The following CREB3L1 variants were observed in gnomAD, a reference collection of about 807,000 sequenced individuals.
The protein encoded by CREB3L1 is cyclic AMP-responsive element-binding protein 3-like protein 1.
Under a neutral mutation model 54.5 loss-of-function variants are expected in CREB3L1, and 33 were observed. The ratio of observed to expected loss-of-function variants is 0.61; its 90% CI spans 0.46 to 0.81. The LOEUF is 0.81. Among genes scored for constraint, CREB3L1 ranks in the 30% least tolerant of loss-of-function variants. CREB3L1 has a pLI of 0.00. For missense variants in CREB3L1, 656 were observed against 673.3 expected, an observed-to-expected ratio of 0.97 and a Z score of 0.29; for synonymous variants, 284 against 286.4, an observed-to-expected ratio of 0.99 and a Z score of 0.08.
intron 1 of CREB3L1, among the ~76,000 whole-genome samples, chr11:46,293,338 C>T (rs1001232092): frequency 6.6e-6 from 1 of 152,236 alleles, no homozygotes; most frequent in African/African-American, 2.4e-5. Flanking sequence ...ATCGCTTCCT[C>T]CTGCCCAGAC....
At chr11:46,302,666 T>G (rs1939320418) in intron 2 of CREB3L1, among the ~76,000 whole-genome samples, 1 of 152,218 alleles carries the variant, frequency 6.6e-6, no homozygotes, top group South Asian at 2.1e-4. Context: ...ACTTTTATCA[T>G]AATCTCCATG....
chr11:46,298,842 A>G (rs569031529), intron 1 of CREB3L1, among the ~76,000 whole-genome samples: 23 of 152,330 alleles, frequency 1.5e-4, no homozygotes, highest in Admixed American at 1.3e-3. Flanking sequence ...TTGAGTAATT[A>G]CTATGTGCCA....
At chr11:46,298,860 T>C (rs1939250470) in intron 1 of CREB3L1, among the ~76,000 whole-genome samples, 1 of 152,182 alleles carries the variant, frequency 6.6e-6, no homozygotes, top group Non-Finnish European at 1.5e-5. Context: ...CCAGGGACTG[T>C]TATAAGGCCT....
Position 46,317,363 on chromosome 11 carries a change from G to A in CREB3L1, c.1134G>A (p.Val378=), listed in dbSNP as rs368414921. 68 of 1,613,804 alleles carry A rather than the reference G, an allele frequency of 4.2e-5. No individual in the cohort carries two copies. Among genetic ancestry groups the A allele is most frequent in the Non-Finnish European group, 5.2e-5 (61 of 1,179,864 alleles). Residue 378 remains valine (V), a splice_region_variant and synonymous_variant, in exon 10 of 12, where the codon GTG becomes GTA. Transcript: ENST00000621158. Reference sequence around the variant, plus strand: ...TGCCACTCTCTCTTTGCTACCAGGTGGCAGCCTTGTGCTTTGTTCTGGTGC... The same window carrying A: ...TGCCACTCTCTCTTTGCTACCAGGTAGCAGCCTTGTGCTTTGTTCTGGTGC... ...AATQTGTCLM[V]AALCFVLVLG...
chr11:46,301,122 G>A lies in CREB3L1; in HGVS notation c.331+959G>A, dbSNP rs182459832. ...TTGAACCCAGCAGGCGGAGGTTGCC[G>A]TGAGCCATTGCACTCCAGCCTGGGT... is the stretch of plus-strand genomic sequence containing the variant. On this transcript the variant is annotated intron_variant, in intron 2 of 11. Transcript: ENST00000621158. Among the ~76,000 whole-genome samples the A allele has an allele frequency of 5.1e-3, 762 of 149,988 alleles. 9 individuals carry two copies. The highest frequency in any genetic ancestry group is 0.018 in the African/African-American group (737 of 40,662).
At chr11:46,311,491 G>T (rs1317448189) in intron 5 of CREB3L1, among the ~76,000 whole-genome samples, 2 of 151,186 alleles carry the variant, frequency 1.3e-5, no homozygotes, top group African/African-American at 4.9e-5. Flanking sequence ...TTGCCACCGT[G>T]TCTGGCTTTT....
chr11:46,312,120 G>A (rs771080534), intron 5 of CREB3L1, among the ~76,000 whole-genome samples: 32 of 152,170 alleles, frequency 2.1e-4, no homozygotes, highest in Non-Finnish European at 3.4e-4. Flanking sequence ...AATGCACTAA[G>A]AGCCTAACAC....
chr11:46,318,837 G>C (rs1939605076), intron 10 of CREB3L1, among the ~76,000 whole-genome samples: 1 of 152,190 alleles, frequency 6.6e-6, no homozygotes, highest in South Asian at 2.1e-4. Context: ...GGATATAGCA[G>C]GGAGGATGAG....
chr11:46,280,248 C>G (rs1590335721), intron 1 of CREB3L1, among the ~76,000 whole-genome samples: 1 of 147,908 alleles, frequency 6.8e-6, no homozygotes, highest in African/African-American at 2.5e-5. Flanking sequence ...AGTGCAGTGG[C>G]GCGATCTCGG....
chr11:46,281,548 A>T (rs1176426636), intron 1 of CREB3L1, among the ~76,000 whole-genome samples: 1 of 152,204 alleles, frequency 6.6e-6, no homozygotes, highest in African/African-American at 2.4e-5. Flanking sequence ...TTTGCCCAGC[A>T]CACCCGTTTA....
At chr11:46,310,571 G>C (rs1027965882) in intron 4 of CREB3L1, among the ~76,000 whole-genome samples, 1 of 151,732 alleles carries the variant, frequency 6.6e-6, no homozygotes, top group Non-Finnish European at 1.5e-5. Flanking sequence ...CCCAGCCTTC[G>C]TCCAGTCCTC....
chr11:46,288,494 C>T (rs1040062710), intron 1 of CREB3L1, among the ~76,000 whole-genome samples: 4 of 152,202 alleles, frequency 2.6e-5, no homozygotes, highest in Non-Finnish European at 5.9e-5. Flanking sequence ...TGACAGCCCT[C>T]GCAGGAATAT....
intron 1 of CREB3L1, among the ~76,000 whole-genome samples, chr11:46,292,022 C>T (rs371306105): frequency 1.3e-5 from 2 of 152,158 alleles, no homozygotes; most frequent in Non-Finnish European, 2.9e-5. Context: ...GGCCAGGGGC[C>T]GAGAGAGCAG....
At chr11:46,284,655 CAAA>C (rs10715929) in intron 1 of CREB3L1, among the ~76,000 whole-genome samples, 23 of 134,382 alleles carry the variant, frequency 1.7e-4, no homozygotes, top group East Asian at 2.3e-4. Context: ...ACTCCATCTC[CAAA>C]AAAAAAAAAA....
In CREB3L1 at chr11:46,295,510, C is replaced by G. The variant is rs1939194368; in HGVS notation, c.103-4425C>G. ...CGGCCAGGCCATTTCTGCCTCGGCCCCAGACGCAGAAGGGGTCCCATGCAG... is the reference window on the plus strand; with the variant it reads ...CGGCCAGGCCATTTCTGCCTCGGCCGCAGACGCAGAAGGGGTCCCATGCAG... On this transcript the variant is annotated intron_variant, in intron 1 of 11. Coordinates refer to ENST00000621158, the MANE Select transcript of CREB3L1 (RefSeq NM_052854.4). The surrounding 1 kb of genome is among the most constrained non-coding windows in gnomAD (Gnocchi z 4.6). 1.3e-5 allele frequency among the ~76,000 whole-genome samples: 2 copies of G among 152,236 alleles called. No individual in the cohort carries two copies. The highest frequency in any genetic ancestry group is 4.1e-4 in the South Asian group (2 of 4,834).
intron 2 of CREB3L1, among the ~76,000 whole-genome samples, chr11:46,306,347 T>C (rs1939396410): frequency 6.6e-6 from 1 of 151,978 alleles, no homozygotes; most frequent in African/African-American, 2.4e-5. Flanking sequence ...TACAAAAAAA[T>C]ACAAAAATTA....
At chr11:46,300,607 G>A (rs1312077916) in intron 2 of CREB3L1, among the ~76,000 whole-genome samples, 1 of 152,182 alleles carries the variant, frequency 6.6e-6, no homozygotes, top group East Asian at 1.9e-4. Context: ...GGTGGCTCAC[G>A]CTTGTAATCC....
chr11:46,307,096 C>G (rs1939408317), intron 2 of CREB3L1, among the ~76,000 whole-genome samples: 1 of 152,108 alleles, frequency 6.6e-6, no homozygotes, highest in Non-Finnish European at 1.5e-5. Context: ...CCAGGCTGGT[C>G]TCAATCTCCT....
chr11:46,279,366 A>C (rs569843020), intron 1 of CREB3L1, among the ~76,000 whole-genome samples: 49 of 152,202 alleles, frequency 3.2e-4, no homozygotes, highest in Non-Finnish European at 5.1e-4. Context: ...CAGGAGCCGG[A>C]GTCAAGGAGG....
Sources: allele counts gnomAD v4.1 joint callset (sites outside exome capture counted in the v4.1 genomes callset), GRCh38; gene constraint gnomAD v4.1.1; non-coding constraint Gnocchi (gnomAD v3.1); transcripts MANE v1.5; gene names NCBI Gene and HGNC (gene_info 2026-07-23, HGNC 2026-07-21).